The following ASCC1 variants were observed in gnomAD, a reference collection of about 807,000 sequenced individuals.
ASCC1 encodes the protein activating signal cointegrator 1 complex subunit 1.
In ASCC1, 35 loss-of-function variants were observed where a neutral mutation model predicts 46.6. The ratio of observed to expected loss-of-function variants is 0.75; its 90% CI spans 0.57 to 0.99. The LOEUF (loss-of-function observed/expected upper bound fraction) is 0.99, where lower values mean the gene tolerates loss of function less well. Ranked by LOEUF, ASCC1 falls within the 50% of genes least tolerant of loss-of-function variation. The probability of loss-of-function intolerance (pLI) is 0.00; values close to 1 mark genes in which losing one functional copy is unlikely to be tolerated. For synonymous variants in ASCC1, 143 were observed against 146.6 expected, an observed-to-expected ratio of 0.98 and a Z score of 0.18; for missense variants, 376 against 428.7, an observed-to-expected ratio of 0.88 and a Z score of 1.09.
intron 7 of ASCC1, among the ~76,000 whole-genome samples, chr10:72,152,427 T>C (rs190257920): frequency 7.2e-5 from 11 of 152,310 alleles, no homozygotes; most frequent in Non-Finnish European, 1.3e-4. Context: ...TTGAAACTCA[T>C]ACTCTAAAAT....
chr10:72,124,706 G>A (rs1447123896), intron 9 of ASCC1, among the ~76,000 whole-genome samples: 2 of 150,866 alleles, frequency 1.3e-5, no homozygotes, highest in Admixed American at 1.3e-4. Context: ...CACTGCCTAT[G>A]GCTAAACAAA....
At chr10:72,214,228 A>T (rs1858677557) in intron 1 of ASCC1, among the ~76,000 whole-genome samples, 1 of 152,192 alleles carries the variant, frequency 6.6e-6, no homozygotes, top group African/African-American at 2.4e-5. Context: ...GAGATTAAAA[A>T]TAAAAGGCAT....
At chr10:72,180,843 TAA>T (rs1209044976) in intron 5 of ASCC1, 6 of 161,582 alleles carry the variant, frequency 3.7e-5, no homozygotes, top group South Asian at 1.7e-4. Flanking sequence ...CTCCTGAATC[TAA>T]AATAGAAGCT....
At chr10:72,188,264 G>A (rs753800343) in intron 5 of ASCC1, among the ~76,000 whole-genome samples, 2 of 151,208 alleles carry the variant, frequency 1.3e-5, no homozygotes, top group Non-Finnish European at 2.9e-5. Context: ...GTTTACAGGT[G>A]CACACCACCA....
intron 5 of ASCC1, among the ~76,000 whole-genome samples, chr10:72,166,260 G>A (rs1850325099): frequency 6.6e-6 from 1 of 152,240 alleles, no homozygotes. Context: ...AATTAGGCCT[G>A]AGAATAAAAA....
chr10:72,138,698 A>G (rs941999337), intron 7 of ASCC1, among the ~76,000 whole-genome samples: 2 of 143,880 alleles, frequency 1.4e-5, no homozygotes, highest in African/African-American at 5.3e-5. Flanking sequence ...CCATCTCCCG[A>G]GTAGCTGGGA....
intron 8 of ASCC1, among the ~76,000 whole-genome samples, chr10:72,129,997 A>C (rs1359135657): frequency 1.3e-5 from 2 of 150,950 alleles, no homozygotes; most frequent in Admixed American, 6.6e-5. Flanking sequence ...AAAAAAAAAA[A>C]AAAAACACAC....
chr10:72,209,542 G>T (rs748601593), intron 3 of ASCC1, among the ~76,000 whole-genome samples: 1 of 152,108 alleles, frequency 6.6e-6, no homozygotes, highest in Non-Finnish European at 1.5e-5. Context: ...CCGGCACTTT[G>T]GGAAGCTGAG....
intron 5 of ASCC1, among the ~76,000 whole-genome samples, chr10:72,189,370 T>A (rs535511169): frequency 6.6e-6 from 1 of 151,918 alleles, no homozygotes; most frequent in East Asian, 1.9e-4. Flanking sequence ...ATCGAGCCAC[T>A]GCACTCTAGC....
At chr10:72,183,436 G>C (rs1189592249) in intron 5 of ASCC1, among the ~76,000 whole-genome samples, 1 of 152,056 alleles carries the variant, frequency 6.6e-6, no homozygotes, top group African/African-American at 2.4e-5. Context: ...CAGTTGGATT[G>C]CTTGAGCCCA....
In ASCC1 at chr10:72,131,439, T is replaced by TACACACACACACACACACAC. The variant is rs71927487; in HGVS notation, c.871+1598_871+1617dup. On this transcript the variant is annotated intron_variant, in intron 8 of 9. Coordinates refer to ENST00000672957, the MANE Select transcript of ASCC1 (RefSeq NM_001198800.3). ...CCATTTCAAAAAAATAAAATAAAAA[T>TACACACACACACACACACAC]ACACACACACACACACACACACACA... Among the ~76,000 whole-genome samples the TACACACACACACACACACAC allele has an allele frequency of 6.6e-4, 92 of 139,408 alleles. 1 individual carries two copies. Among genetic ancestry groups the TACACACACACACACACACAC allele is most frequent in the African/African-American group, 1.6e-3 (58 of 36,306 alleles). The allele number at this position is 139,408 out of a possible 152,430, so 91.5% of individuals were successfully genotyped here.
In ASCC1 at chr10:72,208,543, T is replaced by C. The variant is rs145388609; in HGVS notation, c.212+2189A>G. 8.3e-3 allele frequency among the ~76,000 whole-genome samples: 1,261 copies of C among 152,216 alleles called. 14 individuals carry two copies. Among genetic ancestry groups the C allele is most frequent in the African/African-American group, 0.028 (1,175 of 41,526 alleles). The stretch of plus-strand genomic sequence containing the variant: ...GGGAGGCCGAGGCAGGTGGATCACC[T>C]GAGGTCAGGAGGTCGAGACCAGCCT... On this transcript the variant is annotated intron_variant, in intron 3 of 9. Transcript: ENST00000672957.
rs555335337 is a variant in ASCC1, at chr10:72,204,013, C to A, written c.213-489G>T. On this transcript the variant is annotated intron_variant, in intron 3 of 9. Coordinates refer to ENST00000672957, the MANE Select transcript of ASCC1 (RefSeq NM_001198800.3). ...CCTGTAATCCCAGCACTCCAGGAGGCTGAGGTGGGCAGATTGCCTGAGGTC... is the reference window on the plus strand; with the variant it reads ...CCTGTAATCCCAGCACTCCAGGAGGATGAGGTGGGCAGATTGCCTGAGGTC... Among the ~76,000 whole-genome samples the A allele has an allele frequency of 8.7e-4, 132 of 152,268 alleles. 1 individual carries two copies. In the Middle Eastern group the frequency reaches 0.01, roughly 12 times the overall value.
In ASCC1 at chr10:72,128,097, G is replaced by T. The variant is rs200877232; in HGVS notation, c.942C>A (p.Gly314=). The change falls in exon 9 of 10, where the codon GGC becomes GGA. Residue 314 remains glycine, a synonymous_variant. Transcript: ENST00000672957. ...TCATACTGACCTTTAAAATATTTCGGCCATCAAATGATTCTCTTTCCTTGA... is the reference window on the plus strand; with the variant it reads ...TCATACTGACCTTTAAAATATTTCGTCCATCAAATGATTCTCTTTCCTTGA... ...YIFKERESFD[G]RNILKLFENF... is the part of the protein sequence containing the mutation. 376 of 1,613,426 alleles carry T rather than the reference G, an allele frequency of 2.3e-4. No homozygotes were observed. The highest frequency in any genetic ancestry group is 3.1e-4 in the Non-Finnish European group (363 of 1,179,616).
At chr10:72,170,629 AAAG>A (rs891253716) in intron 5 of ASCC1, among the ~76,000 whole-genome samples, 1 of 151,782 alleles carries the variant, frequency 6.6e-6, no homozygotes, top group African/African-American at 2.4e-5. Context: ...AAAGGCAGAC[AAAG>A]AAAGCCTGTG....
At position 72,203,421 on chromosome 10, in the gene ASCC1, T is replaced by G. The variant is rs374890964; in HGVS notation, c.310+6A>C. 3 of 1,602,668 alleles carry G rather than the reference T, an allele frequency of 1.9e-6. No individual in the cohort carries two copies. Among genetic ancestry groups the G allele is most frequent in the Non-Finnish European group, 2.6e-6 (3 of 1,169,844 alleles). On this transcript the variant is annotated splice_donor_region_variant and intron_variant, in intron 4 of 9. Coordinates refer to ENST00000672957, the MANE Select transcript of ASCC1 (RefSeq NM_001198800.3). ...TCAAATGTAACTTATATCTACTGAG[T>G]CTCACCAATTTCCCCGTCTTGTCCA... is the stretch of plus-strand genomic sequence containing the variant.
intron 5 of ASCC1, among the ~76,000 whole-genome samples, chr10:72,176,404 A>G (rs1041823295): frequency 1.3e-5 from 2 of 152,108 alleles, no homozygotes; most frequent in Non-Finnish European, 2.9e-5. Context: ...GTGCAGTGGC[A>G]CAATCATGGC....
At chr10:72,165,543 A>G (rs771470443) in intron 5 of ASCC1, among the ~76,000 whole-genome samples, 3 of 152,266 alleles carry the variant, frequency 2.0e-5, no homozygotes, top group Non-Finnish European at 4.4e-5. Context: ...TATTTTATCA[A>G]GTATGAATAG....
intron 4 of ASCC1, chr10:72,198,415 GAAAA>G (rs1468107485): frequency 8.9e-6 from 3 of 336,414 alleles, no homozygotes; most frequent in Non-Finnish European, 1.7e-5. Flanking sequence ...AGGAAGGAAA[GAAAA>G]GAAAGAAAGA....
Sources: allele counts gnomAD v4.1 joint callset (sites outside exome capture counted in the v4.1 genomes callset), GRCh38; gene constraint gnomAD v4.1.1; transcripts MANE v1.5; gene names NCBI Gene and HGNC (gene_info 2026-07-23, HGNC 2026-07-21).